The following FHIT variants were observed in gnomAD, a reference collection of about 807,000 sequenced individuals.
FHIT encodes bis(5'-adenosyl)-triphosphatase.
In FHIT, 19 loss-of-function variants were observed where a neutral mutation model predicts 17.9. That is an observed-to-expected ratio of 1.06 (90% confidence interval 0.74 to 1.56). The LOEUF (loss-of-function observed/expected upper bound fraction) is 1.56. Ranked by LOEUF, FHIT falls within the 40% of genes most tolerant of loss-of-function variation. The pLI is 0.00. For missense variants in FHIT, 248 were observed against 189.2 expected (o/e 1.31, Z -1.82); for synonymous variants, 81 against 69.7 (o/e 1.16, Z -0.81).
intron 4 of FHIT, among the ~76,000 whole-genome samples, chr3:60,791,857 T>C (rs1553728601): frequency 6.6e-6 from 1 of 152,188 alleles, no homozygotes; most frequent in East Asian, 1.9e-4. Flanking sequence ...ACGTAGTCTA[T>C]CAGTAATGGA....
At chr3:59,775,982 G>T (rs1381729942) in intron 8 of FHIT, among the ~76,000 whole-genome samples, 1 of 152,208 alleles carries the variant, frequency 6.6e-6, no homozygotes, top group Non-Finnish European at 1.5e-5. Flanking sequence ...CCATGATGGA[G>T]CACATTATCC....
intron 3 of FHIT, among the ~76,000 whole-genome samples, chr3:60,867,301 G>T (rs1445481777): frequency 6.6e-6 from 1 of 152,154 alleles, no homozygotes; most frequent in Non-Finnish European, 1.5e-5. Flanking sequence ...TCTGTTTTCA[G>T]TGTACTCATA....
At chr3:60,491,442 C>G (rs115189567) in intron 5 of FHIT, among the ~76,000 whole-genome samples, 1,770 of 151,222 alleles carry the variant, frequency 0.012, 35 homozygotes, top group African/African-American at 0.04. Flanking sequence ...CCAACCAGAA[C>G]AAAAACATAA....
At chr3:60,901,181 C>G (rs1706096205) in intron 3 of FHIT, among the ~76,000 whole-genome samples, 2 of 152,114 alleles carry the variant, frequency 1.3e-5, no homozygotes, top group Non-Finnish European at 2.9e-5. Flanking sequence ...TCCAAAATGG[C>G]TTGGCACTGT....
chr3:60,724,242 T>A (rs1204378491), intron 4 of FHIT, among the ~76,000 whole-genome samples: 1 of 152,230 alleles, frequency 6.6e-6, no homozygotes, highest in East Asian at 1.9e-4. Context: ...ATGTGGTCTT[T>A]TGTGAGTGGC....
chr3:59,750,588 C>T, intron 9 of FHIT: 2 of 224,504 alleles, frequency 8.9e-6, no homozygotes, highest in East Asian at 6.4e-5. Flanking sequence ...CTTGCCATAT[C>T]CCCCCAGGCA....
chr3:60,442,269 G>A (rs904068536), intron 5 of FHIT, among the ~76,000 whole-genome samples: 2 of 152,022 alleles, frequency 1.3e-5, no homozygotes, highest in African/African-American at 4.8e-5. Flanking sequence ...ATCCTCCTAA[G>A]TGACAAAGAC....
At chr3:59,960,866 C>A (rs1323200852) in intron 7 of FHIT, among the ~76,000 whole-genome samples, 2 of 152,056 alleles carry the variant, frequency 1.3e-5, no homozygotes, top group Admixed American at 1.3e-4. Flanking sequence ...GGAGAGAGGA[C>A]CAATTACTAG....
At chr3:60,175,576 T>C (rs1193633406) in intron 5 of FHIT, among the ~76,000 whole-genome samples, 1 of 152,130 alleles carries the variant, frequency 6.6e-6, no homozygotes, top group African/African-American at 2.4e-5. Flanking sequence ...TAAATGGCAA[T>C]ACGAGCAAAG....
intron 3 of FHIT, among the ~76,000 whole-genome samples, chr3:60,963,425 C>T (rs968463129): frequency 2.0e-5 from 3 of 152,178 alleles, no homozygotes; most frequent in African/African-American, 7.2e-5. Flanking sequence ...GTGTCTCTAT[C>T]TCCTTCAGTT....
chr3:60,153,109 G>C (rs1038334297), intron 5 of FHIT, among the ~76,000 whole-genome samples: 96 of 152,214 alleles, frequency 6.3e-4, no homozygotes, highest in African/African-American at 2.2e-3. Flanking sequence ...TCTTGAATTT[G>C]CGTTACAATT....
intron 5 of FHIT, among the ~76,000 whole-genome samples, chr3:60,320,528 TTTTA>T (rs1709378349): frequency 3.3e-5 from 5 of 152,230 alleles, no homozygotes; most frequent in Non-Finnish European, 7.3e-5. Flanking sequence ...TCTTACTCTG[TTTTA>T]ATTCAAATAT....
chr3:60,547,256 T>C (rs2036398210), intron 4 of FHIT, among the ~76,000 whole-genome samples: 1 of 152,190 alleles, frequency 6.6e-6, no homozygotes, highest in African/African-American at 2.4e-5. Flanking sequence ...GGGAACTGCT[T>C]CTTAGCAAAT....
At chr3:60,977,814 T>C (rs1471567880) in intron 3 of FHIT, among the ~76,000 whole-genome samples, 1 of 151,804 alleles carries the variant, frequency 6.6e-6, no homozygotes, top group Non-Finnish European at 1.5e-5. Flanking sequence ...GAGGTTGCAG[T>C]GAGCCGAGAT....
chr3:60,108,997 G>A lies in FHIT; in HGVS notation c.104-94845C>T, dbSNP rs960331527. On this transcript the variant is annotated intron_variant, in intron 5 of 9. Transcript: ENST00000492590. ...CTTTTCTAAGATTTGAGTTCTCATTGTTAATCTGGTAATTTTCTTTTTCAC... is the reference window on the plus strand; with the variant it reads ...CTTTTCTAAGATTTGAGTTCTCATTATTAATCTGGTAATTTTCTTTTTCAC... Among the ~76,000 whole-genome samples the A allele has an allele frequency of 1.3e-5, 2 of 152,102 alleles. 1 individual carries two copies. Among genetic ancestry groups the A allele is most frequent in the South Asian group, 4.1e-4 (2 of 4,828 alleles).
intron 3 of FHIT, among the ~76,000 whole-genome samples, chr3:60,999,107 A>C (rs1431433651): frequency 6.6e-6 from 1 of 152,310 alleles, no homozygotes; most frequent in Middle Eastern, 3.4e-3. Flanking sequence ...GAGTAAGGAC[A>C]CTGCCACAGC....
intron 5 of FHIT, among the ~76,000 whole-genome samples, chr3:60,081,049 C>A (rs2630149): frequency 0.38 from 57,561 of 151,782 alleles, 11,527 homozygotes; most frequent in African/African-American, 0.5. Flanking sequence ...AGAGACCAGG[C>A]AAGAGAAAGC....
At chr3:61,000,410 G>A (rs1340384965) in intron 3 of FHIT, among the ~76,000 whole-genome samples, 1 of 152,148 alleles carries the variant, frequency 6.6e-6, no homozygotes, top group Non-Finnish European at 1.5e-5. Context: ...AGACACAATG[G>A]TAAGACATTA....
chr3:60,253,924 A>T (rs930468031), intron 5 of FHIT, among the ~76,000 whole-genome samples: 26 of 152,208 alleles, frequency 1.7e-4, no homozygotes, highest in African/African-American at 5.5e-4. Context: ...GTGAGTTACT[A>T]ATCTAATCTC....
Sources: allele counts gnomAD v4.1 joint callset (sites outside exome capture counted in the v4.1 genomes callset), GRCh38; gene constraint gnomAD v4.1.1; transcripts MANE v1.5; gene names NCBI Gene and HGNC (gene_info 2026-07-23, HGNC 2026-07-21).